The following DPP10 variants were observed in gnomAD, a reference collection of about 807,000 sequenced individuals.
The protein encoded by DPP10 is inactive dipeptidyl peptidase 10.
Under a neutral mutation model 120.9 loss-of-function variants are expected in DPP10, and 33 were observed. That is an observed-to-expected ratio of 0.27 (90% CI 0.21 to 0.37). DPP10 has a LOEUF of 0.37. DPP10 is among the 10% of genes least tolerant of loss of function. The pLI, the probability that DPP10 is intolerant of heterozygous loss-of-function variation, is 1.00. For synonymous variants in DPP10, 337 were observed against 326.1 expected (o/e 1.03, Z -0.36); for missense variants, 816 against 942.8 (o/e 0.87, Z 1.76).
chr2:115,433,563 G>T (rs1201252309), intron 3 of DPP10, among the ~76,000 whole-genome samples: 1 of 151,878 alleles, frequency 6.6e-6, no homozygotes, highest in Non-Finnish European at 1.5e-5. Context: ...CATTCTCTGT[G>T]TGACACAGTT....
chr2:115,137,999 T>A (rs532487124), intron 1 of DPP10, among the ~76,000 whole-genome samples: 1 of 152,234 alleles, frequency 6.6e-6, no homozygotes, highest in South Asian at 2.1e-4. Context: ...GACAATATCA[T>A]ATGAGGACAG....
intron 5 of DPP10, among the ~76,000 whole-genome samples, chr2:115,609,681 C>T (rs568178243): frequency 3.3e-5 from 5 of 152,118 alleles, no homozygotes; most frequent in African/African-American, 9.6e-5. Context: ...GGGATAAATT[C>T]GTTGTCATTA....
intron 5 of DPP10, among the ~76,000 whole-genome samples, chr2:115,591,920 G>A (rs1354859468): frequency 2.0e-5 from 3 of 152,132 alleles, no homozygotes; most frequent in East Asian, 1.9e-4. Flanking sequence ...TCTCTTTGAA[G>A]CAATTGTGAA....
Position 115,014,142 on chromosome 2 carries a change from G to C in DPP10, c.61-295097G>C, listed in dbSNP as rs142843466. ...AGAAGAATGGAAATCATAACAAACA[G>C]TCTCTCACACCGCAGTGCAATCAAA... On this transcript the variant is annotated intron_variant, in intron 1 of 25. Transcript: ENST00000410059. Among the ~76,000 whole-genome samples, 851 of 152,216 alleles carry C rather than the reference G, an allele frequency of 5.6e-3. 10 individuals are homozygous for C. The highest frequency in any genetic ancestry group is 0.019 in the African/African-American group (803 of 41,520).
chr2:114,927,274 G>A (rs561921115), intron 1 of DPP10, among the ~76,000 whole-genome samples: 14 of 152,108 alleles, frequency 9.2e-5, no homozygotes, highest in African/African-American at 3.1e-4. Flanking sequence ...ACTAGGTATT[G>A]TGAACCCAGG....
At chr2:115,739,205 C>T (rs1421303068) in intron 8 of DPP10, among the ~76,000 whole-genome samples, 1 of 151,942 alleles carries the variant, frequency 6.6e-6, no homozygotes. Flanking sequence ...ATTTTGATGT[C>T]GTTCATATAG....
At chr2:115,091,631 T>A (rs1709272488) in intron 1 of DPP10, among the ~76,000 whole-genome samples, 1 of 152,146 alleles carries the variant, frequency 6.6e-6, no homozygotes, top group African/African-American at 2.4e-5. Flanking sequence ...TGGCCGTCCG[T>A]CCTACCAATT....
Position 115,668,657 on chromosome 2 carries a change from G to C in DPP10, c.442-21030G>C, listed in dbSNP as rs187800232. ...GATTTACCTTATGTTTAAAGGGTGG[G>C]CTGGTCTGTCAGGTAGTTTCTCTCG... On this transcript the variant is annotated intron_variant, in intron 5 of 25. Coordinates refer to ENST00000410059, the MANE Select transcript of DPP10 (RefSeq NM_020868.6). Among the ~76,000 whole-genome samples the C allele has an allele frequency of 3.6e-3, 545 of 152,188 alleles. 11 individuals are homozygous for C. The highest frequency in any genetic ancestry group is 0.032 in the Admixed American group (484 of 15,262).
intron 3 of DPP10, among the ~76,000 whole-genome samples, chr2:115,385,871 T>G (rs959597361): frequency 6.6e-6 from 1 of 152,200 alleles, no homozygotes; most frequent in Non-Finnish European, 1.5e-5. Flanking sequence ...GTATCACATC[T>G]TTCCACTCCT....
intron 1 of DPP10, among the ~76,000 whole-genome samples, chr2:114,600,089 T>G (rs1325379087): frequency 6.6e-6 from 1 of 151,612 alleles, no homozygotes; most frequent in African/African-American, 2.4e-5. Flanking sequence ...ATTTGGAAAG[T>G]TTTAAGCCAC....
At chr2:115,483,181 T>C (rs991098688) in intron 3 of DPP10, among the ~76,000 whole-genome samples, 15 of 152,098 alleles carry the variant, frequency 9.9e-5, no homozygotes, top group African/African-American at 3.4e-4. Flanking sequence ...ATACTCAAGA[T>C]CACTTTATTG....
chr2:115,202,189 A>G (rs1425943855), intron 1 of DPP10, among the ~76,000 whole-genome samples: 4 of 152,106 alleles, frequency 2.6e-5, no homozygotes, highest in African/African-American at 7.2e-5. Context: ...TCAGCCTCCT[A>G]AAGTGCTAGA....
At chr2:114,719,445 G>A (rs971523059) in intron 1 of DPP10, among the ~76,000 whole-genome samples, 3 of 152,144 alleles carry the variant, frequency 2.0e-5, no homozygotes, top group Non-Finnish European at 4.4e-5. Flanking sequence ...GCTTCTGCAG[G>A]AGTAGTGTTC....
intron 1 of DPP10, among the ~76,000 whole-genome samples, chr2:114,905,644 C>T (rs1056251744): frequency 2.6e-5 from 4 of 152,138 alleles, no homozygotes; most frequent in Admixed American, 6.5e-5. Context: ...CTGCACCCTC[C>T]AAAAACAAAT....
chr2:114,697,707 G>A (rs1395192909), intron 1 of DPP10, among the ~76,000 whole-genome samples: 5 of 138,228 alleles, frequency 3.6e-5, no homozygotes, highest in Non-Finnish European at 7.5e-5. Context: ...CTGAGATCGC[G>A]CAACTGCACT....
chr2:114,704,335 G>A (rs1274682539), intron 1 of DPP10, among the ~76,000 whole-genome samples: 2 of 152,144 alleles, frequency 1.3e-5, no homozygotes, highest in African/African-American at 4.8e-5. Context: ...AGTGAAGTAA[G>A]GAGAGGGATT....
At chr2:115,161,420 C>T (rs1352110057) in intron 1 of DPP10, 3 of 152,036 alleles carry the variant, frequency 2.0e-5, no homozygotes, top group African/African-American at 7.2e-5. Context: ...GCGGGGTAAC[C>T]GCGGAAGCCG....
Position 115,829,493 on chromosome 2 carries a change from A to C in DPP10, c.1951-6664A>C, listed in dbSNP as rs1688706825. ...CTCTCTTTGAAAATATTCTTGGCTC[A>C]CCTGTTCTATTATCTTTGTTTTTTT... On this transcript the variant is annotated intron_variant, in intron 21 of 25. Coordinates refer to ENST00000410059, the MANE Select transcript of DPP10 (RefSeq NM_020868.6). Among the ~76,000 whole-genome samples, 2 of 151,952 alleles carry C rather than the reference A, an allele frequency of 1.3e-5. 1 individual carries two copies. The highest frequency in any genetic ancestry group is 3.9e-4 in the East Asian group (2 of 5,188).
At chr2:114,855,467 G>A (rs541812546) in intron 1 of DPP10, among the ~76,000 whole-genome samples, 2 of 152,298 alleles carry the variant, frequency 1.3e-5, no homozygotes, top group Admixed American at 1.3e-4. Flanking sequence ...CCCTGTGGCA[G>A]TTCGAATTAT....
Sources: allele counts gnomAD v4.1 joint callset (sites outside exome capture counted in the v4.1 genomes callset), GRCh38; gene constraint gnomAD v4.1.1; transcripts MANE v1.5; gene names NCBI Gene and HGNC (gene_info 2026-07-23, HGNC 2026-07-21).